SCAMP1: variants seen among roughly 807,000 people sequenced by gnomAD.
SCAMP1 encodes secretory carrier-associated membrane protein 1.
SCAMP1 carries 15 observed loss-of-function variants against 41.8 expected under a neutral mutation model. That is an observed-to-expected ratio of 0.36 (90% CI 0.24 to 0.55). SCAMP1 has a LOEUF of 0.55. SCAMP1 is among the 20% of genes least tolerant of loss of function. The pLI, the probability that SCAMP1 is intolerant of heterozygous loss-of-function variation, is 0.86. For missense variants in SCAMP1, 341 were observed against 412.6 expected (o/e 0.83, Z 1.50); for synonymous variants, 135 against 136.8 (o/e 0.99, Z 0.09).
intron 1 of SCAMP1, chr5:78,370,805 G>A (rs765171814): frequency 6.6e-6 from 1 of 152,060 alleles, no homozygotes; most frequent in African/African-American, 2.4e-5. Context: ...GCAGTGTATG[G>A]GTATGTAGAT....
intron 6 of SCAMP1, among the ~76,000 whole-genome samples, chr5:78,434,092 G>A (rs985686810): frequency 2.0e-5 from 3 of 152,178 alleles, no homozygotes; most frequent in African/African-American, 7.2e-5. Context: ...CCCAAGACCT[G>A]TACCCTGAAT....
chr5:78,446,831 G>T (rs1753063590), intron 6 of SCAMP1, among the ~76,000 whole-genome samples: 1 of 152,168 alleles, frequency 6.6e-6, no homozygotes, highest in African/African-American at 2.4e-5. Flanking sequence ...GACTGACATA[G>T]AAAACATTAT....
At chr5:78,375,172 G>A (rs9293746) in intron 1 of SCAMP1, among the ~76,000 whole-genome samples, 143,893 of 152,192 alleles carry the variant, frequency 0.95, 68,226 homozygotes, top group Non-Finnish European at 0.97. Flanking sequence ...TAAGTGTATA[G>A]TCTTGACTGA....
chr5:78,455,698 G>T (rs1432425296), intron 7 of SCAMP1, among the ~76,000 whole-genome samples: 1 of 138,360 alleles, frequency 7.2e-6, no homozygotes, highest in African/African-American at 2.8e-5. Context: ...TGTCTATTAG[G>T]TCTGCTTGGT....
chr5:78,439,789 G>C (rs1460481797), intron 6 of SCAMP1, among the ~76,000 whole-genome samples: 2 of 152,104 alleles, frequency 1.3e-5, no homozygotes, highest in Non-Finnish European at 2.9e-5. Context: ...AAGTTTTCCT[G>C]GATAATATCC....
chr5:78,409,317 G>A (rs567780032), intron 2 of SCAMP1, among the ~76,000 whole-genome samples: 8 of 151,994 alleles, frequency 5.3e-5, no homozygotes, highest in Non-Finnish European at 7.4e-5. Flanking sequence ...GTACTAGAAG[G>A]GGATCTCTAC....
Position 78,371,895 on chromosome 5 carries a change from T to C in SCAMP1, c.57+11167T>C, listed in dbSNP as rs184243918. 1.4e-3 allele frequency among the ~76,000 whole-genome samples: 212 copies of C among 152,366 alleles called. 1 individual carries two copies. The highest frequency in any genetic ancestry group is 4.9e-3 in the African/African-American group (202 of 41,588). On this transcript the variant is annotated intron_variant, in intron 1 of 8. Transcript: ENST00000621999. The stretch of plus-strand genomic sequence containing the variant: ...GATATGCGTATAGTGTAAAGCGTTA[T>C]GCATTTTGAGTATTGCTGAAATCAA...
chr5:78,420,148 C>T (rs1314117194), intron 5 of SCAMP1, among the ~76,000 whole-genome samples: 11 of 152,210 alleles, frequency 7.2e-5, no homozygotes, highest in South Asian at 4.2e-4. Flanking sequence ...CTCCGCTTCC[C>T]GGGTTCAAGT....
chr5:78,388,721 C>T, intron 1 of SCAMP1, 116 bp from the exon 2 acceptor site: 1 of 485,062 alleles, frequency 2.1e-6, no homozygotes, highest in Non-Finnish European at 3.7e-6. Context: ...TTTTATTTTC[C>T]TCTGTTAGCC....
chr5:78,360,785 GGA>G (rs1384933156), intron 1 of SCAMP1, 57 bp downstream of exon 1: 6 of 1,519,828 alleles, frequency 3.9e-6, no homozygotes, highest in Non-Finnish European at 5.4e-6. Flanking sequence ...TTGTGAAAAC[GGA>G]CGAGTTCCTT....
At chr5:78,471,111 T>TA (rs1397169154) in intron 8 of SCAMP1, among the ~76,000 whole-genome samples, 2 of 152,174 alleles carry the variant, frequency 1.3e-5, no homozygotes, top group African/African-American at 4.8e-5. Flanking sequence ...TTCTTGCCCT[T>TA]AGGCAAGTAA....
chr5:78,404,585 T>C (rs1313436069), intron 2 of SCAMP1, among the ~76,000 whole-genome samples: 3 of 152,100 alleles, frequency 2.0e-5, no homozygotes, highest in African/African-American at 7.2e-5. Flanking sequence ...GGTCTCAGTC[T>C]TTTATTGAGT....
chr5:78,459,744 C>T (rs919342317), intron 8 of SCAMP1, among the ~76,000 whole-genome samples: 2 of 151,864 alleles, frequency 1.3e-5, no homozygotes, highest in Non-Finnish European at 2.9e-5. Context: ...TCATATATAT[C>T]TCTTAGGTTT....
intron 5 of SCAMP1, among the ~76,000 whole-genome samples, chr5:78,419,693 T>C (rs1488251266): frequency 6.6e-6 from 1 of 152,222 alleles, no homozygotes; most frequent in Non-Finnish European, 1.5e-5. Flanking sequence ...GTAGGGTACA[T>C]TCTTGATGGA....
In SCAMP1 at chr5:78,475,911, T is replaced by G. The variant is rs1251983315; in HGVS notation, c.*243T>G. The G allele has an allele frequency of 8.6e-6, 2 of 232,716 alleles. No homozygotes were observed. The highest frequency in any genetic ancestry group is 2.3e-5 in the African/African-American group (1 of 44,408). 14.4% of individuals were successfully genotyped at this position (232,716 alleles called of 1,614,324 possible). On this transcript the variant is annotated 3_prime_UTR_variant, in exon 9 of 9. Coordinates refer to ENST00000621999, the MANE Select transcript of SCAMP1 (RefSeq NM_004866.6). ...GCTAAATAAATATTCTCCATATTTTTGGGGGATGACATTCAGTGAATTATT... is the reference window on the plus strand; with the variant it reads ...GCTAAATAAATATTCTCCATATTTTGGGGGGATGACATTCAGTGAATTATT...
chr5:78,467,160 C>T (rs923325757), intron 8 of SCAMP1, among the ~76,000 whole-genome samples: 2 of 152,090 alleles, frequency 1.3e-5, no homozygotes, highest in African/African-American at 4.8e-5. Context: ...GGCTGGATTT[C>T]TAGACTGGAA....
Position 78,460,796 on chromosome 5 carries a change from C to CTTTCTTTCTTTCTTTCTTTCTTT in SCAMP1, c.852+1434_852+1435insTTTCTTTCTTTCTTTCTTTCTTT. 1.2e-3 allele frequency among the ~76,000 whole-genome samples: 44 copies of CTTTCTTTCTTTCTTTCTTTCTTT among 35,710 alleles called. 3 individuals carry two copies. The highest frequency in any genetic ancestry group is 2.7e-3 in the East Asian group (3 of 1,126). The allele number at this position is 35,710 out of a possible 152,430, so 23.4% of individuals were successfully genotyped here. On this transcript the variant is annotated intron_variant, in intron 8 of 8. Coordinates refer to ENST00000621999, the MANE Select transcript of SCAMP1 (RefSeq NM_004866.6). ...TCCTTCCTTCCTTCCTTCCTTCCTT[C>CTTTCTTTCTTTCTTTCTTTCTTT]CTTCCTTCCTCCCTTCCTTCCTTCC... is the stretch of plus-strand genomic sequence containing the variant.
chr5:78,450,936 A>T (rs985200580), intron 7 of SCAMP1, among the ~76,000 whole-genome samples: 3 of 152,228 alleles, frequency 2.0e-5, no homozygotes, highest in Non-Finnish European at 2.9e-5. Flanking sequence ...TAGATATTTA[A>T]AATCAGTTCT....
Position 78,479,749 on chromosome 5 carries a change from G to A in SCAMP1, c.*4081G>A, listed in dbSNP as rs768140946. ...GGTTTGGGTAAGACAAACATTTAAT[G>A]TATAGGATTTTGGCCAGGTGTGGTG... On this transcript the variant is annotated 3_prime_UTR_variant, in exon 9 of 9. Transcript: ENST00000621999. Among the ~76,000 whole-genome samples, 1 of 152,148 alleles carries A rather than the reference G, an allele frequency of 6.6e-6. No homozygotes were observed. Among genetic ancestry groups the A allele is most frequent in the African/African-American group, 2.4e-5 (1 of 41,442 alleles).
Sources: gnomAD v4.1 joint callset for allele counts (sites outside exome capture counted in the v4.1 genomes callset) on GRCh38, gnomAD v4.1.1 for gene constraint, MANE v1.5 for transcripts, NCBI Gene and HGNC (gene_info 2026-07-23, HGNC 2026-07-21) for gene names.